DHRS4L2: variants seen among roughly 807,000 people sequenced by gnomAD.
DHRS4L2 encodes the protein dehydrogenase/reductase 4 like 2.
DHRS4L2 carries 22 observed loss-of-function variants against 23.9 expected under a neutral mutation model. The observed-to-expected ratio is 0.92, with a 90% CI of 0.66 to 1.31. The LOEUF is 1.31. Among genes scored for constraint, DHRS4L2 ranks in the 40% most tolerant of loss-of-function variants. The pLI, the probability that DHRS4L2 is intolerant of heterozygous loss-of-function variation, is 0.00. For synonymous variants in DHRS4L2, 141 were observed against 123.7 expected (o/e 1.14, Z -0.93); for missense variants, 385 against 303.3 (o/e 1.27, Z -2.00).
At chr14:23,981,408 C>T (rs1442615112) in intron 1 of DHRS4L2, among the ~76,000 whole-genome samples, 1 of 151,582 alleles carries the variant, frequency 6.6e-6, no homozygotes, top group Admixed American at 6.6e-5. Flanking sequence ...AGTGCTATCC[C>T]CATCAAGCTA....
chr14:23,997,022 A>G (rs574477091), intron 3 of DHRS4L2, among the ~76,000 whole-genome samples: 1 of 150,642 alleles, frequency 6.6e-6, no homozygotes, highest in South Asian at 2.1e-4. Flanking sequence ...AACTAAGTAC[A>G]GGCACGCCTC....
At chr14:23,997,962 AC>A (rs1566499173) in intron 3 of DHRS4L2, among the ~76,000 whole-genome samples, 1 of 151,804 alleles carries the variant, frequency 6.6e-6, no homozygotes, top group Non-Finnish European at 1.5e-5. Context: ...CTATAGCCTT[AC>A]AAAATGTATT....
chr14:23,990,202 G>C lies in DHRS4L2; in HGVS notation c.149G>C (p.Arg50Pro). Residue 50 changes from arginine to proline, a missense_variant, in exon 2 of 8, where the codon CGG becomes CCG. Coordinates refer to ENST00000335125, the MANE Select transcript of DHRS4L2 (RefSeq NM_198083.4). ...STDGIGFAIA[R>P]RLAQDRAHVV... The stretch of plus-strand genomic sequence containing the variant: ...CACAGGATCGGCTTCGCCATCGCCC[G>C]GCGTTTGGCCCAGGACAGGGCCCAC... 1.2e-6 allele frequency: 2 copies of C among 1,612,788 alleles called. No individual in the cohort carries two copies. Among genetic ancestry groups the C allele is most frequent in the Non-Finnish European group, 1.7e-6 (2 of 1,179,326 alleles).
intron 6 of DHRS4L2, 151 bp downstream of exon 6, chr14:24,001,668 C>T (rs970217019): frequency 8.4e-7 from 1 of 1,185,178 alleles, no homozygotes; most frequent in African/African-American, 2.0e-5. Flanking sequence ...ACCACCTGCC[C>T]TATACAAGCC....
intron 1 of DHRS4L2, among the ~76,000 whole-genome samples, chr14:23,981,914 G>C (rs529004311): frequency 2.6e-5 from 4 of 151,842 alleles, no homozygotes; most frequent in African/African-American, 9.7e-5. Context: ...CCTGCCACAG[G>C]GTGGTTGTTC....
rs940227659 is a variant in DHRS4L2, at chr14:23,994,053, T to C, written c.307-979T>C. 3.3e-5 allele frequency among the ~76,000 whole-genome samples: 5 copies of C among 151,756 alleles called. 1 individual carries two copies. The highest frequency in any genetic ancestry group is 1.2e-4 in the African/African-American group (5 of 41,362). ...GAAGTATAAGATCTTGAGAAAATTC[T>C]CTGAACCTGTTTCATCATCTCCACC... On this transcript the variant is annotated intron_variant, in intron 2 of 7. Transcript: ENST00000335125.
intron 2 of DHRS4L2, among the ~76,000 whole-genome samples, chr14:23,991,669 G>A (rs1211939170): frequency 6.6e-6 from 1 of 151,470 alleles, no homozygotes; most frequent in Non-Finnish European, 1.5e-5. Context: ...ACAGTGGAGA[G>A]CACAGGCTCA....
upstream of DHRS4L2, among the ~76,000 whole-genome samples, chr14:23,984,116 C>T (rs138247301): frequency 5.3e-3 from 798 of 151,234 alleles, 13 homozygotes; most frequent in African/African-American, 0.018. Context: ...ATTTGAAGGG[C>T]AGTATGTGCA....
chr14:23,972,186 C>T lies in DHRS4L2; in HGVS notation c.-176+1854C>T, dbSNP rs564717970. ...TCAAGAATGAAGCTGCGGACCCTCGCGGTGAGTGTTACAGTTCTTAAAGGC... is the reference window on the plus strand; with the variant it reads ...TCAAGAATGAAGCTGCGGACCCTCGTGGTGAGTGTTACAGTTCTTAAAGGC... On this transcript the variant is annotated intron_variant, in intron 1 of 5. Transcript: ENST00000534993. Among the ~76,000 whole-genome samples, 39 of 152,166 alleles carry T rather than the reference C, an allele frequency of 2.6e-4. No individual in the cohort carries two copies. The East Asian group carries it at 5.4e-3, about 21-fold the overall frequency.
chr14:23,995,086 C>A lies in DHRS4L2; in HGVS notation c.361C>A (p.Pro121Thr). ...DILVSNAAVN[P>T]FFGSLMDVTE... ...CCTAGTCTCCAATGCTGCTGTCAAC[C>A]CTTTCTTTGGAAGCCTAATGGATGT... Residue 121 changes from proline to threonine, a missense_variant, in exon 3 of 8, where the codon CCT (proline) becomes ACT (threonine). By Grantham distance (38) the Pro-to-Thr change is conservative. Coordinates refer to ENST00000335125, the MANE Select transcript of DHRS4L2 (RefSeq NM_198083.4). 6 of 1,612,982 alleles carry A rather than the reference C, an allele frequency of 3.7e-6. No homozygotes were observed. The highest frequency in any genetic ancestry group is 5.1e-6 in the Non-Finnish European group (6 of 1,179,480).
chr14:23,981,744 G>C (rs890710650), intron 1 of DHRS4L2, among the ~76,000 whole-genome samples: 2 of 151,694 alleles, frequency 1.3e-5, no homozygotes, highest in Non-Finnish European at 2.9e-5. Context: ...GAGAAAGTCA[G>C]CAAGAAAACA....
At chr14:23,988,498 C>T (rs2034194178), upstream of DHRS4L2, among the ~76,000 whole-genome samples, 1 of 150,546 alleles carries the variant, frequency 6.6e-6, no homozygotes, top group South Asian at 2.1e-4. Context: ...CATGGGCAGT[C>T]TCAAAACATT....
At chr14:23,983,108 A>C (rs899687251) in intron 1 of DHRS4L2, among the ~76,000 whole-genome samples, 1 of 151,680 alleles carries the variant, frequency 6.6e-6, no homozygotes, top group African/African-American at 2.4e-5. Context: ...CACAGAATGG[A>C]AGAAAATTCT....
upstream of DHRS4L2, among the ~76,000 whole-genome samples, chr14:23,986,927 G>A (rs2034157037): frequency 6.6e-6 from 1 of 151,594 alleles, no homozygotes; most frequent in South Asian, 2.1e-4. Context: ...ATGAGGCTCA[G>A]ACTGAGGAGC....
intron 1 of DHRS4L2, among the ~76,000 whole-genome samples, chr14:23,971,164 G>A (rs932378487): frequency 3.9e-4 from 59 of 152,060 alleles, no homozygotes; most frequent in African/African-American, 1.2e-3. Context: ...TAACTTGACA[G>A]AAGTTAAGCT....
At chr14:23,984,857 G>T (rs191185027), upstream of DHRS4L2, among the ~76,000 whole-genome samples, 409 of 149,270 alleles carry the variant, frequency 2.7e-3, 5 homozygotes, top group Non-Finnish European at 3.9e-3. Flanking sequence ...TTGGTGGACT[G>T]AACAAAAGAA....
At chr14:23,999,376 A>T in intron 3 of DHRS4L2, among the ~76,000 whole-genome samples, 1 of 137,222 alleles carries the variant, frequency 7.3e-6, no homozygotes, top group Non-Finnish European at 1.6e-5. Context: ...AAAAAAAAAC[A>T]ATATCTGCAA....
rs2034299402 is a variant in DHRS4L2, at chr14:23,992,953, T to G, written c.307-2079T>G. On this transcript the variant is annotated intron_variant, in intron 2 of 7. Transcript: ENST00000335125. ...ACTGGGCCTACCAAAGTGCTAGGATTATAGGTGTGAGCCACCACACCCAGC... is the reference window on the plus strand; with the variant it reads ...ACTGGGCCTACCAAAGTGCTAGGATGATAGGTGTGAGCCACCACACCCAGC... 2.0e-5 allele frequency among the ~76,000 whole-genome samples: 3 copies of G among 147,480 alleles called. 1 individual carries two copies. The highest frequency in any genetic ancestry group is 4.5e-4 in the South Asian group (2 of 4,442).
At chr14:23,974,165 C>A (rs2760087) in intron 1 of DHRS4L2, among the ~76,000 whole-genome samples, 94,611 of 151,292 alleles carry the variant, frequency 0.63, 32,591 homozygotes, top group African/African-American at 0.9. Context: ...AAATAACAAA[C>A]TGAAGGCAGA....
Sources: allele counts gnomAD v4.1 joint callset (sites outside exome capture counted in the v4.1 genomes callset), GRCh38; gene constraint gnomAD v4.1.1; transcripts MANE v1.5; gene names NCBI Gene and HGNC (gene_info 2026-07-23, HGNC 2026-07-21).